Variants in AHDC1 observed in about 807,000 individuals in gnomAD.
The protein encoded by AHDC1 is AT-hook DNA binding motif containing 1, also known as transcription factor Gibbin.
In AHDC1, 7 loss-of-function variants were observed where a neutral mutation model predicts 87.9. The ratio of observed to expected loss-of-function variants is 0.08; its 90% CI spans 0.05 to 0.15. The LOEUF (loss-of-function observed/expected upper bound fraction) is 0.15, where lower values mean the gene tolerates loss of function less well. AHDC1 is among the 10% of genes least tolerant of loss of function. The pLI, the probability that AHDC1 is intolerant of heterozygous loss-of-function variation, is 1.00. For missense variants in AHDC1, 1,841 were observed against 2,253.2 expected (o/e 0.82, Z 3.70); for synonymous variants, 1,051 against 1,006.8 (o/e 1.04, Z -0.83).
In AHDC1 at chr1:27,547,318, C is replaced by G; in HGVS notation, c.4798G>C (p.Val1600Leu). 9.1e-6 allele frequency: 14 copies of G among 1,544,362 alleles called. No homozygotes were observed. The highest frequency in any genetic ancestry group is 1.2e-5 in the Non-Finnish European group (14 of 1,148,388). Residue 1600 changes from valine to leucine, a missense_variant, in exon 8 of 9, where the codon GTC becomes CTC. By Grantham distance (32) the Val-to-Leu change is conservative (BLOSUM62 1). Coordinates refer to ENST00000673934, the MANE Select transcript of AHDC1 (RefSeq NM_001371928.1). This position sits in a 1 kb window ranked among gnomAD's most constrained non-coding sequence, Gnocchi z 4.9. ...AEPHPEDTFTVTSL is the reference protein window; with the variant it reads ...AEPHPEDTFTLTSL ...TTCAGTTGGCACTACAGGGATGTGA[C>G]GGTGAATGTGTCCTCGGGGTGAGGT...
At chr1:27,559,165 C>A (rs2019955180) in intron 3 of AHDC1, among the ~76,000 whole-genome samples, 1 of 152,144 alleles carries the variant, frequency 6.6e-6, no homozygotes, top group South Asian at 2.1e-4. Context: ...GATCCTCCCA[C>A]CTCAGCCTCC....
Position 27,603,747 on chromosome 1 carries a change from G to C in AHDC1, c.-746C>G, listed in dbSNP as rs2089608303. 1 of 107,834 alleles carries C rather than the reference G, an allele frequency of 9.3e-6. No homozygotes were observed. The highest frequency in any genetic ancestry group is 1.3e-4 in the Admixed American group (1 of 7,852). 6.7% of individuals were successfully genotyped at this position (107,834 alleles called of 1,614,324 possible). The stretch of plus-strand genomic sequence containing the variant: ...GCAAACCTGGGAGGGAACGCGCCCC[G>C]CGTAGTCCTCCTGCTCCTCCTCCTC... On this transcript the variant is annotated 5_prime_UTR_variant, in exon 2 of 9. Coordinates refer to ENST00000673934, the MANE Select transcript of AHDC1 (RefSeq NM_001371928.1).
chr1:27,541,610 T>A (rs2018922051), intron 8 of AHDC1, among the ~76,000 whole-genome samples: 1 of 147,114 alleles, frequency 6.8e-6, no homozygotes, highest in African/African-American at 2.5e-5. Context: ...TCAGCCACTG[T>A]GCCCGGCCCA....
rs1212072119 is a variant in AHDC1 at position 27,565,391 on chromosome 1, G to A, written c.-628-6508C>T. On this transcript the variant is annotated intron_variant, in intron 3 of 8. Coordinates refer to ENST00000673934, the MANE Select transcript of AHDC1 (RefSeq NM_001371928.1). This position sits in a 1 kb window ranked among gnomAD's most constrained non-coding sequence, Gnocchi z 4.6. ...CACGACTCCAAGCTCATTCCATGAA[G>A]AGGGGCGAGAGAGGAAGGACAGAGG... Among the ~76,000 whole-genome samples, 2 of 152,170 alleles carry A rather than the reference G, an allele frequency of 1.3e-5. No homozygotes were observed.
In AHDC1 at chr1:27,541,973, G is replaced by T. The variant is rs569966390; in HGVS notation, c.*43+5288C>A. 1.1e-4 allele frequency among the ~76,000 whole-genome samples: 16 copies of T among 152,338 alleles called. No homozygotes were observed. The East Asian group carries it at 3.1e-3, about 29-fold the overall frequency. On this transcript the variant is annotated intron_variant, in intron 8 of 8. Coordinates refer to ENST00000673934, the MANE Select transcript of AHDC1 (RefSeq NM_001371928.1). ...ACCTGTAAAAGGCTGCAAGCCCTGT[G>T]GGGGCAGGGCACTGTGTGTCTTGCT... is the stretch of plus-strand genomic sequence containing the variant.
intron 3 of AHDC1, among the ~76,000 whole-genome samples, chr1:27,574,066 G>T (rs2088628143): frequency 6.6e-6 from 1 of 152,200 alleles, no homozygotes; most frequent in African/African-American, 2.4e-5. Flanking sequence ...CGAGGCATCT[G>T]AATTTGAATC....
intron 3 of AHDC1, among the ~76,000 whole-genome samples, chr1:27,591,631 C>A (rs1278939806): frequency 1.3e-5 from 2 of 152,174 alleles, no homozygotes; most frequent in East Asian, 1.9e-4. Context: ...ATTTTCCAGT[C>A]CCTGAGAGAG....
intron 3 of AHDC1, among the ~76,000 whole-genome samples, chr1:27,582,212 C>G (rs1029397934): frequency 2.6e-5 from 4 of 152,252 alleles, no homozygotes; most frequent in Admixed American, 1.3e-4. Context: ...AGGAACAGAA[C>G]AGCGAATCCC....
Position 27,552,169 on chromosome 1 carries a change from G to A in AHDC1, c.-54C>T. On this transcript the variant is annotated 5_prime_UTR_variant, in exon 8 of 9. Transcript: ENST00000673934. ...GCGGGGCCGGGGCTGACATGAGGGT[G>A]CGAGAAGCCGGGACCAGGACCTGCC... 1.4e-6 allele frequency: 2 copies of A among 1,430,654 alleles called. No homozygotes were observed. The highest frequency in any genetic ancestry group is 1.8e-6 in the Non-Finnish European group (2 of 1,095,002). 88.6% of individuals were successfully genotyped at this position (1,430,654 alleles called of 1,614,324 possible). A position where few individuals can be genotyped will look rare whatever the true frequency, so the allele number is the denominator to read the frequency against.
chr1:27,597,377 G>A (rs2089405570), intron 3 of AHDC1, among the ~76,000 whole-genome samples: 1 of 103,836 alleles, frequency 9.6e-6, no homozygotes, highest in East Asian at 2.0e-4. Context: ...GTGTGTGTGT[G>A]AGAGAGAGAG....
Position 27,549,999 on chromosome 1 carries a change from G to A in AHDC1, c.2117C>T (p.Ala706Val). The change falls in exon 8 of 9, where the codon GCC (alanine) becomes GTC (valine). Residue 706 changes from alanine (A) to valine (V), a missense_variant. By Grantham distance (64) the Ala-to-Val change is moderately conservative. Coordinates refer to ENST00000673934, the MANE Select transcript of AHDC1 (RefSeq NM_001371928.1). The part of the protein sequence containing the change: ...EGIGKKKKVV[A>V]VAAAGVGGPG... ...GCCCCCGACCCCAGCGGCTGCCACG[G>A]CCACCACCTTCTTTTTCTTGCCGAT... 5 of 1,600,014 alleles carry A rather than the reference G, an allele frequency of 3.1e-6. No homozygotes were observed. The highest frequency in any genetic ancestry group is 1.7e-4 in the Middle Eastern group (1 of 6,004).
chr1:27,548,268 T>TTGGCTGAGC lies in AHDC1; in HGVS notation c.3839_3847dup (p.Ala1282_Lys1283insSerSerAla), dbSNP rs774617175. On this transcript the variant is annotated inframe_insertion, in exon 8 of 9. Coordinates refer to ENST00000673934, the MANE Select transcript of AHDC1 (RefSeq NM_001371928.1). The stretch of plus-strand genomic sequence containing the variant: ...GGCCGCTGCGCCACCCCGCTCCTTC[T>TTGGCTGAGC]TGGCTGAGCAGGCCCCACCGCCCCG... 1.9e-5 allele frequency: 31 copies of TTGGCTGAGC among 1,610,700 alleles called. No individual in the cohort carries two copies. The South Asian group carries it at 3.3e-4, about 17-fold the overall frequency.
rs530568702 is a variant in AHDC1 at position 27,595,570 on chromosome 1, T to C, written c.-629+7827A>G. The stretch of plus-strand genomic sequence containing the variant: ...CTGTGAACATGTGCCTGGAAAGGTG[T>C]TGTGGTTGGTGGAGGATGCACTGTG... On this transcript the variant is annotated intron_variant, in intron 3 of 8. Coordinates refer to ENST00000673934, the MANE Select transcript of AHDC1 (RefSeq NM_001371928.1). This position sits in a 1 kb window ranked among gnomAD's most constrained non-coding sequence, Gnocchi z 4.0. Among the ~76,000 whole-genome samples, 1 of 151,760 alleles carries C rather than the reference T, an allele frequency of 6.6e-6. No homozygotes were observed. The highest frequency in any genetic ancestry group is 1.9e-4 in the East Asian group (1 of 5,158).
rs968032306 is a variant in AHDC1, at chr1:27,565,670, A to C, written c.-628-6787T>G. On this transcript the variant is annotated intron_variant, in intron 3 of 8. Transcript: ENST00000673934. This position sits in a 1 kb window ranked among gnomAD's most constrained non-coding sequence, Gnocchi z 4.6. ...ACTTTAAAGAAGTCAGACATGAAGC[A>C]AGGATAGTATCCCTATACCATCTGG... Among the ~76,000 whole-genome samples, 2 of 152,212 alleles carry C rather than the reference A, an allele frequency of 1.3e-5. No individual in the cohort carries two copies. The highest frequency in any genetic ancestry group is 4.8e-5 in the African/African-American group (2 of 41,448).
intron 8 of AHDC1, among the ~76,000 whole-genome samples, chr1:27,539,993 C>T (rs2018833660): frequency 6.6e-6 from 1 of 152,150 alleles, no homozygotes; most frequent in African/African-American, 2.4e-5. Flanking sequence ...CCCCCACTCT[C>T]CACCCTCCAG....
intron 8 of AHDC1, among the ~76,000 whole-genome samples, chr1:27,542,507 G>A (rs184932420): frequency 8.5e-5 from 13 of 152,322 alleles, no homozygotes; most frequent in East Asian, 3.9e-4. Context: ...AGCCTCTGTC[G>A]GGTATTTACC....
rs1256465819 is a variant in AHDC1, at chr1:27,547,337, G to C, written c.4779C>G (p.His1593Gln). 10 of 1,554,420 alleles carry C rather than the reference G, an allele frequency of 6.4e-6. No individual in the cohort carries two copies. The highest frequency in any genetic ancestry group is 8.7e-6 in the Non-Finnish European group (10 of 1,153,288). Residue 1593 changes from histidine to glutamine, a missense_variant, in exon 8 of 9, where the codon CAC becomes CAG. His to Gln is a conservative substitution (Grantham distance 24). Around this residue, in one of 13 missense-constraint regions of AHDC1, gnomAD observed 505 missense variants for 626.2 expected, o/e 0.81. Transcript: ENST00000673934. The surrounding 1 kb of genome is among the most constrained non-coding windows in gnomAD (Gnocchi z 4.9). ...ATGTGACGGTGAATGTGTCCTCGGG[G>C]TGAGGTTCCGCCATGGGCCCCAGGA... ...SGFLGPMAEP[H>Q]PEDTFTVTSL
chr1:27,599,641 G>A (rs1438573619), intron 3 of AHDC1, among the ~76,000 whole-genome samples: 1 of 152,166 alleles, frequency 6.6e-6, no homozygotes, highest in Non-Finnish European at 1.5e-5. Flanking sequence ...CGTCCAACTG[G>A]ATGATGCTCC....
rs769177974 is a variant in AHDC1, at chr1:27,547,451, C to T, written c.4665G>A (p.Ser1555=). 10 of 1,590,234 alleles carry T rather than the reference C, an allele frequency of 6.3e-6. No individual in the cohort carries two copies. Among genetic ancestry groups the T allele is most frequent in the South Asian group, 1.1e-5 (1 of 89,096 alleles). Residue 1555 remains serine, a synonymous_variant, in exon 8 of 9, where the codon TCG becomes TCA. Coordinates refer to ENST00000673934, the MANE Select transcript of AHDC1 (RefSeq NM_001371928.1). The surrounding 1 kb of genome is among the most constrained non-coding windows in gnomAD (Gnocchi z 4.9). ...DLTLSPVPRD[S]LLPLQDTAYR... ...AGGCGGTGTCCTGCAGGGGCAGCAG[C>T]GAGTCCCTCGGCACGGGGGACAGGG... is the stretch of plus-strand genomic sequence containing the variant.
Sources: allele counts gnomAD v4.1 joint callset (sites outside exome capture counted in the v4.1 genomes callset), GRCh38; gene constraint gnomAD v4.1.1; regional missense constraint gnomAD v4.1.1; non-coding constraint Gnocchi (gnomAD v3.1); transcripts MANE v1.5; gene names NCBI Gene and HGNC (gene_info 2026-07-23, HGNC 2026-07-21).